PARP12: variants seen among roughly 807,000 people sequenced by gnomAD.
PARP12 encodes the protein protein mono-ADP-ribosyltransferase PARP12.
PARP12 carries 59 observed loss-of-function variants against 72.4 expected under a neutral mutation model. The ratio of observed to expected loss-of-function variants is 0.81; its 90% CI spans 0.66 to 1.01. The LOEUF is 1.01. Among genes scored for constraint, PARP12 ranks in the 50% least tolerant of loss-of-function variants. The probability of loss-of-function intolerance (pLI) is 0.00; values close to 1 mark genes in which losing one functional copy is unlikely to be tolerated. For synonymous variants in PARP12, 403 were observed against 371.4 expected, an observed-to-expected ratio of 1.09 and a Z score of -0.98; for missense variants, 851 against 914.0, an observed-to-expected ratio of 0.93 and a Z score of 0.89.
At chr7:140,061,926 A>T (rs968080702) in intron 1 of PARP12, among the ~76,000 whole-genome samples, 2 of 145,912 alleles carry the variant, frequency 1.4e-5, no homozygotes, top group Admixed American at 1.4e-4. Flanking sequence ...CAAGAGCAAG[A>T]AGGGCATTCC....
At chr7:140,055,751 T>C (rs541629302) in intron 3 of PARP12, among the ~76,000 whole-genome samples, 38 of 152,308 alleles carry the variant, frequency 2.5e-4, no homozygotes, top group Non-Finnish European at 5.4e-4. Flanking sequence ...ACAAAACCTG[T>C]CTACTTCTAG....
chr7:140,054,885 G>A (rs41275039), intron 3 of PARP12, 122 bp from the exon 4 acceptor site: 63,635 of 789,298 alleles, frequency 0.081, 3,036 homozygotes, highest in Non-Finnish European at 0.095. Context: ...GCCCTATCGT[G>A]TTTGGGGTGA....
chr7:140,041,225 G>A (rs1816454009), intron 6 of PARP12, among the ~76,000 whole-genome samples: 1 of 152,222 alleles, frequency 6.6e-6, no homozygotes, highest in Non-Finnish European at 1.5e-5. Context: ...CCTACCTTCT[G>A]TAAAGTTGCA....
chr7:140,044,021 A>T (rs1816607807), intron 5 of PARP12, among the ~76,000 whole-genome samples: 1 of 152,208 alleles, frequency 6.6e-6, no homozygotes, highest in Non-Finnish European at 1.5e-5. Context: ...TTCACCATAT[A>T]TCTAATGAGA....
rs760605889 is a variant in PARP12, at chr7:140,062,705, C to G, written c.143G>C (p.Arg48Pro). The change falls in exon 1 of 12, where the codon CGC becomes CCC. Residue 48 changes from arginine (R) to proline (P), a missense_variant. Coordinates refer to ENST00000263549, the MANE Select transcript of PARP12 (RefSeq NM_022750.4). ...ALERLLRQRG[R>P]FVVAVRAGGA... ...GCCCGCCCGCACCGCCACCACGAAG[C>G]GCCCACGCTGCCGCAGCAGCCGCTC... The G allele has an allele frequency of 7.5e-7, 1 of 1,324,870 alleles. No individual in the cohort carries two copies. Among genetic ancestry groups the G allele is most frequent in the South Asian group, 1.8e-5 (1 of 55,640 alleles). 82.1% of individuals were successfully genotyped at this position (1,324,870 alleles called of 1,614,324 possible). A position where few individuals can be genotyped will look rare whatever the true frequency, so the allele number is the denominator to read the frequency against.
intron 5 of PARP12, among the ~76,000 whole-genome samples, chr7:140,042,542 C>A (rs1816524842): frequency 6.6e-6 from 1 of 152,134 alleles, no homozygotes; most frequent in Non-Finnish European, 1.5e-5. Context: ...GGGCTTTGGC[C>A]GCAAAAGGGA....
chr7:140,046,840 C>CAA, intron 5 of PARP12, 44 bp downstream of exon 5: 1 of 1,388,244 alleles, frequency 7.2e-7, no homozygotes, highest in Admixed American at 2.2e-5. Context: ...GTGTCACACA[C>CAA]AGAAGCCCAG....
At chr7:140,028,757 C>A (rs1815831077) in intron 8 of PARP12, 69 bp from the exon 9 acceptor site, 5 of 1,342,034 alleles carry the variant, frequency 3.7e-6, no homozygotes, top group Non-Finnish European at 5.2e-6. Flanking sequence ...CATAGGTGGT[C>A]TCTGCTAGCC....
chr7:140,024,811 G>C lies in PARP12; in HGVS notation c.1855C>G (p.Leu619Val). The change falls in exon 12 of 12, where the codon CTG becomes GTG. Residue 619 changes from leucine (L) to valine (V), a missense_variant. By Grantham distance (32) the Leu-to-Val change is conservative. This residue lies in a region of PARP12 where 347 missense variants were observed against 396.1 expected (regional missense o/e 0.88). Transcript: ENST00000263549. ...AACTCGCCCACCAGCACCCGGGCCAGGAACATCGTGTGGGTCTGCGTGTCG... is the reference window on the plus strand; with the variant it reads ...AACTCGCCCACCAGCACCCGGGCCACGAACATCGTGTGGGTCTGCGTGTCG... ...KSDTQTHTMF[L>V]ARVLVGEFVR... 6.2e-7 allele frequency: 1 copy of C among 1,614,184 alleles called. No homozygotes were observed.
chr7:140,033,341 T>A, intron 8 of PARP12: 1 of 985,470 alleles, frequency 1.0e-6, no homozygotes, highest in Non-Finnish European at 1.2e-6. Flanking sequence ...GACCTTTGCA[T>A]GCTTCACAAA....
chr7:140,025,470 G>A, intron 11 of PARP12: 1 of 408,990 alleles, frequency 2.4e-6, no homozygotes, highest in Non-Finnish European at 4.9e-6. Context: ...CCGGAACATG[G>A]ACTGCTGGGC....
intron 4 of PARP12, among the ~76,000 whole-genome samples, chr7:140,049,133 G>C (rs946822468): frequency 6.6e-6 from 1 of 152,194 alleles, no homozygotes; most frequent in Non-Finnish European, 1.5e-5. Context: ...ATGGAGGAGG[G>C]TGGGAGGGTG....
chr7:140,062,040 C>G (rs918847687), intron 1 of PARP12, among the ~76,000 whole-genome samples: 2 of 151,134 alleles, frequency 1.3e-5, no homozygotes, highest in African/African-American at 4.9e-5. Context: ...GGACCAGTGC[C>G]CCAGGACCTT....
At chr7:140,028,019 G>A (rs1005677901) in intron 9 of PARP12, among the ~76,000 whole-genome samples, 1 of 152,182 alleles carries the variant, frequency 6.6e-6, no homozygotes, top group African/African-American at 2.4e-5. Context: ...CCCAGGACAG[G>A]GACCGTCACG....
At chr7:140,037,325 A>G (rs1443770772) in intron 7 of PARP12, among the ~76,000 whole-genome samples, 1 of 152,232 alleles carries the variant, frequency 6.6e-6, no homozygotes, top group East Asian at 1.9e-4. Flanking sequence ...CTCCGTCTCA[A>G]AAAAAAGATG....
intron 8 of PARP12, among the ~76,000 whole-genome samples, chr7:140,032,195 G>C (rs953524004): frequency 3.3e-5 from 5 of 152,122 alleles, no homozygotes; most frequent in Admixed American, 1.3e-4. Flanking sequence ...TTACCCCTGA[G>C]AAATGCAAAA....
rs1439522280 is a variant in PARP12 at position 140,023,877 on chromosome 7, A to C, written c.*683T>G. 6.4e-6 allele frequency: 1 copy of C among 156,342 alleles called. No individual in the cohort carries two copies. Among genetic ancestry groups the C allele is most frequent in the Non-Finnish European group, 1.4e-5 (1 of 70,144 alleles). The allele number at this position is 156,342 out of a possible 1,614,324, so 9.7% of individuals were successfully genotyped here. On this transcript the variant is annotated 3_prime_UTR_variant, in exon 12 of 12. Transcript: ENST00000263549. ...GTGCTTAGGAAATGTGGGTTTGCGC[A>C]ATCACAGGCCAAGCCTGGGGGTCCT...
intron 5 of PARP12, 129 bp downstream of exon 5, chr7:140,046,755 T>TCA: frequency 1.2e-6 from 1 of 805,956 alleles, no homozygotes; most frequent in Non-Finnish European, 1.9e-6. Context: ...TGTGTGTGTG[T>TCA]GTCACACACA....
At chr7:140,057,377 C>T (rs1230979692) in intron 2 of PARP12, 7 of 568,992 alleles carry the variant, frequency 1.2e-5, no homozygotes, top group African/African-American at 5.6e-5. Flanking sequence ...ATCAGCCCCT[C>T]CACTGGGAAA....
Sources: allele counts gnomAD v4.1 joint callset (sites outside exome capture counted in the v4.1 genomes callset), GRCh38; gene constraint gnomAD v4.1.1; regional missense constraint gnomAD v4.1.1; transcripts MANE v1.5; gene names NCBI Gene and HGNC (gene_info 2026-07-23, HGNC 2026-07-21).